Variants in NLRP13 observed in about 807,000 individuals in gnomAD.
NLRP13 encodes the protein NLR family pyrin domain containing 13.
Under a neutral mutation model 94.4 loss-of-function variants are expected in NLRP13, and 82 were observed. The ratio of observed to expected loss-of-function variants is 0.87; its 90% CI spans 0.73 to 1.04. The LOEUF is 1.04. Among genes scored for constraint, NLRP13 ranks in the 50% least tolerant of loss-of-function variants. The pLI is 0.00. For missense variants in NLRP13, 1,426 were observed against 1,230.8 expected, an observed-to-expected ratio of 1.16 and a Z score of -2.37; for synonymous variants, 553 against 464.7, an observed-to-expected ratio of 1.19 and a Z score of -2.45.
At chr19:55,901,941 C>A in intron 9 of NLRP13, 94 bp downstream of exon 9, 2 of 1,335,586 alleles carry the variant, frequency 1.5e-6, no homozygotes, top group African/African-American at 1.5e-5. Context: ...TTGTCCACGC[C>A]TCATTCAAAC....
At chr19:55,902,550 A>T (rs1466632015) in intron 8 of NLRP13, among the ~76,000 whole-genome samples, 1 of 152,136 alleles carries the variant, frequency 6.6e-6, no homozygotes, top group Non-Finnish European at 1.5e-5. Flanking sequence ...GGTGACCCTC[A>T]ACAAGCTCCC....
Position 55,910,735 on chromosome 19 carries a change from T to A in NLRP13, c.2112-2A>T, listed in dbSNP as rs1381117687. The A allele has an allele frequency of 1.5e-5, 24 of 1,604,528 alleles. No homozygotes were observed. Among genetic ancestry groups the A allele is most frequent in the Non-Finnish European group, 2.0e-5 (24 of 1,172,852 alleles). ...ATCCTGGAATCAAACTTGCTTGTCC[T>A]TCATGAGGGAGAGACAGAACACGGA... On this transcript the variant is annotated splice_acceptor_variant, in intron 5 of 10. Transcript: ENST00000342929. LOFTEE classifies it high-confidence loss of function.
At chr19:55,900,758 A>G (rs943287735) in intron 9 of NLRP13, among the ~76,000 whole-genome samples, 2 of 147,972 alleles carry the variant, frequency 1.4e-5, no homozygotes, top group African/African-American at 5.0e-5. Context: ...CCTGAGTGAC[A>G]GAACAAGACT....
intron 9 of NLRP13, among the ~76,000 whole-genome samples, chr19:55,899,830 G>A (rs1357017735): frequency 6.6e-6 from 1 of 152,068 alleles, no homozygotes; most frequent in African/African-American, 2.4e-5. Flanking sequence ...CCCATCAAAG[G>A]CCAAGTGTAA....
chr19:55,930,993 A>C (rs769490461), intron 1 of NLRP13, among the ~76,000 whole-genome samples: 2 of 151,266 alleles, frequency 1.3e-5, no homozygotes, highest in African/African-American at 4.9e-5. Flanking sequence ...CGATCCTACA[A>C]CACCACAATC....
At chr19:55,927,369 G>GAAAA (rs35906975) in intron 1 of NLRP13, among the ~76,000 whole-genome samples, 1 of 123,960 alleles carries the variant, frequency 8.1e-6, no homozygotes, top group Non-Finnish European at 1.7e-5. Context: ...CTCCATCTAG[G>GAAAA]AAAAAAAAAA....
intron 7 of NLRP13, 144 bp from the exon 8 acceptor site, chr19:55,905,256 A>C (rs1986303575): frequency 5.1e-5 from 48 of 932,042 alleles, no homozygotes; most frequent in Non-Finnish European, 7.0e-5. Flanking sequence ...AGAAGGAGAA[A>C]AAGGGCCAGG....
chr19:55,903,565 G>A (rs1381190987), intron 8 of NLRP13, among the ~76,000 whole-genome samples: 4 of 151,970 alleles, frequency 2.6e-5, no homozygotes, highest in East Asian at 1.9e-4. Context: ...TGCCTACAAC[G>A]GCTCACGTAA....
chr19:55,900,847 G>A (rs1986149222), intron 9 of NLRP13, among the ~76,000 whole-genome samples: 1 of 151,798 alleles, frequency 6.6e-6, no homozygotes, highest in Non-Finnish European at 1.5e-5. Context: ...TGTTGGTGAA[G>A]CTTTAGATGA....
chr19:55,891,850 G>A (rs1465688480), downstream of NLRP13: 2 of 382,348 alleles, frequency 5.2e-6, no homozygotes, highest in African/African-American at 2.1e-5. Flanking sequence ...CGTGCAATGG[G>A]CGGCCTCCAA....
intron 4 of NLRP13, among the ~76,000 whole-genome samples, chr19:55,920,794 G>T (rs1986801245): frequency 6.6e-6 from 1 of 152,090 alleles, no homozygotes; most frequent in Non-Finnish European, 1.5e-5. Context: ...AAAGATACCT[G>T]CACTCCTGTG....
intron 10 of NLRP13, among the ~76,000 whole-genome samples, chr19:55,896,940 T>A (rs968127047): frequency 4.6e-5 from 7 of 151,244 alleles, no homozygotes. Context: ...CAAAGGTACA[T>A]ACTATTTTAA....
In NLRP13 at chr19:55,912,815, G is replaced by C. The variant is rs748205219; in HGVS notation, c.1002C>G (p.Asp334Glu). 1.9e-6 allele frequency: 3 copies of C among 1,614,174 alleles called. No homozygotes were observed. Among genetic ancestry groups the C allele is most frequent in the South Asian group, 2.2e-5 (2 of 91,086 alleles). Residue 334 changes from aspartate to glutamate, a missense_variant, in exon 5 of 11, where the codon GAC (aspartate) becomes GAG (glutamate). Transcript: ENST00000342929. ...ESLDDGSPCT[D>E]WYQELPVTKI... Reference sequence around the variant, plus strand: ...TGGTCACTGGGAGCTCCTGGTACCAGTCTGTACATGGCGAGCCATCATCCA... The same window carrying C: ...TGGTCACTGGGAGCTCCTGGTACCACTCTGTACATGGCGAGCCATCATCCA...
intron 4 of NLRP13, among the ~76,000 whole-genome samples, chr19:55,916,845 C>T (rs1986687982): frequency 6.6e-6 from 1 of 151,698 alleles, no homozygotes; most frequent in Non-Finnish European, 1.5e-5. Flanking sequence ...ATCCAGGCAT[C>T]CAAATATAAG....
chr19:55,923,500 G>A (rs1206644655), intron 4 of NLRP13, among the ~76,000 whole-genome samples: 1 of 152,128 alleles, frequency 6.6e-6, no homozygotes, highest in South Asian at 2.1e-4. Flanking sequence ...GCAGGAGTAG[G>A]GGGTGGAAGG....
At chr19:55,904,286 G>A (rs1252348583) in intron 8 of NLRP13, among the ~76,000 whole-genome samples, 1 of 152,028 alleles carries the variant, frequency 6.6e-6, no homozygotes, top group African/African-American at 2.4e-5. Context: ...ATGGGGTTTT[G>A]CCATGTTGGT....
intron 9 of NLRP13, 115 bp downstream of exon 9, chr19:55,901,920 T>C (rs1986190599): frequency 9.2e-7 from 1 of 1,089,016 alleles, no homozygotes; most frequent in South Asian, 1.6e-5. Context: ...AGCTCCTCCA[T>C]GGCAAAGAGC....
rs181274636 is a variant in NLRP13 at position 55,902,060 on chromosome 19, G to A, written c.2764C>T (p.Pro922Ser). 6.8e-6 allele frequency: 11 copies of A among 1,614,084 alleles called. No homozygotes were observed. The highest frequency in any genetic ancestry group is 9.3e-6 in the Non-Finnish European group (11 of 1,179,978). The change falls in exon 9 of 11, where the codon CCA becomes TCA. Residue 922 changes from proline (P) to serine (S), a missense_variant. Physicochemically the swap from Pro to Ser is moderately conservative, Grantham distance 74. Transcript: ENST00000342929. ...TTCAGGCTCTGCAGGTTACCATCTG[G>A]GCGACCCAAGGCCTCACACAGGAAC... ...VKFLCEALGR[P>S]DGNLQSLNLS...
intron 6 of NLRP13, among the ~76,000 whole-genome samples, chr19:55,909,661 G>A (rs1986449852): frequency 6.6e-6 from 1 of 152,126 alleles, no homozygotes; most frequent in Non-Finnish European, 1.5e-5. Flanking sequence ...ACAAAGATAG[G>A]TACACACACA....
Sources: gnomAD v4.1 joint callset for allele counts (sites outside exome capture counted in the v4.1 genomes callset) on GRCh38, gnomAD v4.1.1 for gene constraint, MANE v1.5 for transcripts, NCBI Gene and HGNC (gene_info 2026-07-23, HGNC 2026-07-21) for gene names.